The following DOCK9 variants were observed in gnomAD, a reference collection of about 807,000 sequenced individuals.
The protein encoded by DOCK9 is dedicator of cytokinesis 9.
DOCK9 carries 89 observed loss-of-function variants against 263.3 expected under a neutral mutation model. That is an observed-to-expected ratio of 0.34 (90% CI 0.28 to 0.40). DOCK9 has a LOEUF of 0.40. Ranked by LOEUF, DOCK9 falls within the 10% of genes least tolerant of loss-of-function variation. The probability of loss-of-function intolerance (pLI) is 1.00; values close to 1 mark genes in which losing one functional copy is unlikely to be tolerated. For missense variants in DOCK9, 2,140 were observed against 2,603.4 expected (o/e 0.82, Z 3.87); for synonymous variants, 976 against 973.1 (o/e 1.00, Z -0.06).
At chr13:98,889,489 T>C (rs1020270909) in intron 15 of DOCK9, among the ~76,000 whole-genome samples, 24 of 152,234 alleles carry the variant, frequency 1.6e-4, no homozygotes, top group African/African-American at 5.3e-4. Context: ...GAGTCGAAGC[T>C]CACTGAAATT....
rs766477968 is a variant in DOCK9 at position 98,895,526 on chromosome 13, G to A, written c.1709+1962C>T. Among the ~76,000 whole-genome samples, 14 of 151,916 alleles carry A rather than the reference G, an allele frequency of 9.2e-5. No homozygotes were observed. In the South Asian group the frequency reaches 1.2e-3, roughly 14 times the overall value. On this transcript the variant is annotated intron_variant, in intron 15 of 52. Transcript: ENST00000682017. ...CTAAAAATACAAAAATTAGCCAGGCGTAGTGGTGGGCGCCTATAGTCCCAG... is the reference window on the plus strand; with the variant it reads ...CTAAAAATACAAAAATTAGCCAGGCATAGTGGTGGGCGCCTATAGTCCCAG...
At chr13:99,071,306 CTTTTTTTTTTT>C (rs71114578) in intron 1 of DOCK9, among the ~76,000 whole-genome samples, 2 of 49,330 alleles carry the variant, frequency 4.1e-5, no homozygotes, top group Non-Finnish European at 6.8e-5. Flanking sequence ...CCATGCCTGG[CTTTTTTTTTTT>C]TTTTTTTTTT....
intron 13 of DOCK9, 51 bp from the exon 14 acceptor site, chr13:98,898,312 CT>C: frequency 6.9e-7 from 1 of 1,444,872 alleles, no homozygotes; most frequent in Admixed American, 1.8e-5. Context: ...ACTGAAAGAA[CT>C]GTGACCTCAA....
intron 2 of DOCK9, among the ~76,000 whole-genome samples, chr13:98,936,049 T>C (rs1264857930): frequency 1.3e-5 from 2 of 152,198 alleles, no homozygotes; most frequent in African/African-American, 4.8e-5. Context: ...TGCATATTAA[T>C]AAAATGACAT....
At chr13:98,947,530 C>A (rs1234528790) in intron 2 of DOCK9, among the ~76,000 whole-genome samples, 10 of 76,938 alleles carry the variant, frequency 1.3e-4, no homozygotes, top group Admixed American at 9.5e-4. Flanking sequence ...TTTTTTGAGA[C>A]GGACTTTCAC....
chr13:98,820,848 G>T (rs1391215921), intron 45 of DOCK9, among the ~76,000 whole-genome samples: 1 of 152,122 alleles, frequency 6.6e-6, no homozygotes, highest in Non-Finnish European at 1.5e-5. Flanking sequence ...TTCTGGGAAG[G>T]CAGCCCAGCA....
intron 1 of DOCK9, among the ~76,000 whole-genome samples, chr13:99,060,265 G>C (rs1427994990): frequency 6.6e-6 from 1 of 151,630 alleles, no homozygotes; most frequent in Non-Finnish European, 1.5e-5. Flanking sequence ...TTTTAGTAGA[G>C]ACGGGGTTTC....
chr13:98,929,133 G>A (rs1161734115), intron 3 of DOCK9, among the ~76,000 whole-genome samples: 3 of 152,174 alleles, frequency 2.0e-5, no homozygotes, highest in East Asian at 1.9e-4. Flanking sequence ...AAATGAAGGT[G>A]CACTTAAAGA....
At chr13:98,810,052 G>A (rs769811487) in intron 46 of DOCK9, 117 bp downstream of exon 46, 117 of 1,410,698 alleles carry the variant, frequency 8.3e-5, no homozygotes, top group Non-Finnish European at 1.1e-4. Context: ...GAGGGTCAGA[G>A]ACCCCCACTC....
chr13:98,930,135 C>T (rs1174842862), intron 3 of DOCK9, 33 bp downstream of exon 3: 1 of 1,578,110 alleles, frequency 6.3e-7, no homozygotes, highest in Non-Finnish European at 8.6e-7. Flanking sequence ...AAAATGACTT[C>T]AAAATGTAAA....
rs984351529 is a variant in DOCK9 at position 98,817,237 on chromosome 13, T to TTTTG, written c.5131-6950_5131-6947dup. ...TAACTGATAGACTAAGATTGGGGTT[T>TTTTG]TTTGTTTGTTTGTTTGTTTGAGACA... On this transcript the variant is annotated intron_variant, in intron 45 of 52. Coordinates refer to ENST00000682017, the MANE Select transcript of DOCK9 (RefSeq NM_001366683.2). Among the ~76,000 whole-genome samples the TTTTG allele has an allele frequency of 4.6e-5, 7 of 152,168 alleles. No individual in the cohort carries two copies. In the East Asian group the frequency reaches 7.7e-4, roughly 17 times the overall value.
chr13:99,055,189 C>G (rs1197665170), intron 1 of DOCK9, among the ~76,000 whole-genome samples: 1 of 152,142 alleles, frequency 6.6e-6, no homozygotes, highest in African/African-American at 2.4e-5. Context: ...CTTATACTAT[C>G]CTTGACTTTT....
At position 98,793,842 on chromosome 13, in the gene DOCK9, C is replaced by G. The variant is rs1392350374; in HGVS notation, c.*784G>C. The stretch of plus-strand genomic sequence containing the variant: ...ATATACTGGAACAGCACAAATTTAT[C>G]ACAATTAAACTTAATGCATAAGCCC... On this transcript the variant is annotated 3_prime_UTR_variant, in exon 53 of 53. Coordinates refer to ENST00000682017, the MANE Select transcript of DOCK9 (RefSeq NM_001366683.2). The G allele has an allele frequency of 6.6e-6, 1 of 152,572 alleles. No homozygotes were observed. Among genetic ancestry groups the G allele is most frequent in the East Asian group, 1.9e-4 (1 of 5,192 alleles). The allele number at this position is 152,572 out of a possible 1,614,324, so 9.5% of individuals were successfully genotyped here.
At chr13:98,993,681 C>A (rs1360331885) in intron 1 of DOCK9, among the ~76,000 whole-genome samples, 2 of 152,180 alleles carry the variant, frequency 1.3e-5, no homozygotes, top group Admixed American at 1.3e-4. Flanking sequence ...GCGGAGCTTG[C>A]AGTAAGCTGA....
chr13:98,910,016 A>T (rs2049757013), intron 9 of DOCK9, among the ~76,000 whole-genome samples: 1 of 152,246 alleles, frequency 6.6e-6, no homozygotes. Flanking sequence ...TCAGAACCAC[A>T]TGGGGAAACC....
intron 12 of DOCK9, 103 bp downstream of exon 12, chr13:98,902,185 C>T: frequency 8.1e-7 from 1 of 1,236,176 alleles, no homozygotes. Flanking sequence ...AGTCTAATGA[C>T]CCCACTTGTG....
At chr13:99,057,915 A>T (rs1189985228) in intron 1 of DOCK9, among the ~76,000 whole-genome samples, 1 of 152,180 alleles carries the variant, frequency 6.6e-6, no homozygotes, top group African/African-American at 2.4e-5. Flanking sequence ...TAATTCTGTT[A>T]TGTTGAAAAC....
chr13:98,955,608 T>C (rs2057963515), intron 1 of DOCK9, 57 bp from the exon 2 acceptor site: 3 of 1,206,032 alleles, frequency 2.5e-6, no homozygotes, highest in Non-Finnish European at 3.6e-6. Context: ...TTTCTTAAGA[T>C]AAAGAACTTA....
chr13:98,808,592 C>T (rs752145957), intron 47 of DOCK9: 5 of 1,297,954 alleles, frequency 3.9e-6, no homozygotes, highest in Non-Finnish European at 5.5e-6. Context: ...AGTTTAGACG[C>T]AGTAATTTCA....
Sources: gnomAD v4.1 joint callset for allele counts (sites outside exome capture counted in the v4.1 genomes callset) on GRCh38, gnomAD v4.1.1 for gene constraint, MANE v1.5 for transcripts, NCBI Gene and HGNC (gene_info 2026-07-23, HGNC 2026-07-21) for gene names.